Variants in RUNX1 observed in about 807,000 individuals in gnomAD.
RUNX1 encodes runt-related transcription factor 1.
Under a neutral mutation model 42.8 loss-of-function variants are expected in RUNX1, and 19 were observed. That is an observed-to-expected ratio of 0.44 (90% confidence interval 0.31 to 0.65). The LOEUF (loss-of-function observed/expected upper bound fraction) is 0.65. RUNX1 is among the 30% of genes least tolerant of loss of function. The pLI is 0.07. For missense variants in RUNX1, 528 were observed against 672.0 expected (o/e 0.79, Z 2.37); for synonymous variants, 271 against 289.4 (o/e 0.94, Z 0.64).
Position 34,803,542 on chromosome 21 carries a change from G to A in RUNX1, c.806-4080C>T, listed in dbSNP as rs546527107. On this transcript the variant is annotated intron_variant, in intron 7 of 8. Transcript: ENST00000675419. ...AGCCTAGGTGACAGAGCCAGACTCC[G>A]TCTCAGAAAAAAAAAAATAATAATA... 1.7e-4 allele frequency among the ~76,000 whole-genome samples: 26 copies of A among 150,378 alleles called. No individual in the cohort carries two copies. The South Asian group carries it at 4.0e-3, about 23-fold the overall frequency.
chr21:34,813,865 G>A (rs1012419249), intron 7 of RUNX1, among the ~76,000 whole-genome samples: 1 of 151,612 alleles, frequency 6.6e-6, no homozygotes, highest in African/African-American at 2.4e-5. Flanking sequence ...CTCAGAGAAA[G>A]CTGCAGTGCG....
rs202037007 is a variant in RUNX1 at position 34,799,352 on chromosome 21, G to A, written c.916C>T (p.Arg306Cys). 25 of 1,614,202 alleles carry A rather than the reference G, an allele frequency of 1.5e-5. No individual in the cohort carries two copies. Among genetic ancestry groups the A allele is most frequent in the Non-Finnish European group, 1.9e-5 (23 of 1,180,040 alleles). Residue 306 changes from arginine (R) to cysteine (C), a missense_variant, in exon 8 of 9, where the codon CGT (arginine) becomes TGT (cysteine). Physicochemically the swap from Arg to Cys is radical, Grantham distance 180 (BLOSUM62 -3). Transcript: ENST00000675419. ...GAGAGGGTTGTCATGCCGCTGGCACGTCCAGGTGAAATGGGCGTTGCTGGG... is the reference window on the plus strand; with the variant it reads ...GAGAGGGTTGTCATGCCGCTGGCACATCCAGGTGAAATGGGCGTTGCTGGG... ...VHPATPISPG[R>C]ASGMTTLSAE...
chr21:34,983,695 C>T (rs920014112), intron 2 of RUNX1, among the ~76,000 whole-genome samples: 2 of 152,124 alleles, frequency 1.3e-5, no homozygotes, highest in African/African-American at 4.8e-5. Flanking sequence ...GAGACCATTG[C>T]AATAGCTATA....
intron 5 of RUNX1, among the ~76,000 whole-genome samples, chr21:34,877,816 T>C (rs1166812390): frequency 6.6e-6 from 1 of 152,180 alleles, no homozygotes; most frequent in Non-Finnish European, 1.5e-5. Flanking sequence ...ACAATCCCCA[T>C]GGACTGGCAG....
At chr21:34,892,785 T>C in intron 3 of RUNX1, 140 bp downstream of exon 3, 1 of 623,366 alleles carries the variant, frequency 1.6e-6, no homozygotes, top group Admixed American at 3.0e-5. Flanking sequence ...TTTAAGTATA[T>C]TGGAATCAGC....
chr21:35,045,895 T>C (rs892607489), intron 2 of RUNX1, among the ~76,000 whole-genome samples: 14 of 151,994 alleles, frequency 9.2e-5, no homozygotes, highest in Non-Finnish European at 1.6e-4. Context: ...CTCGCTGAGA[T>C]TTTTACCTGT....
chr21:34,888,368 G>A (rs1214465033), intron 3 of RUNX1: 1 of 1,067,632 alleles, frequency 9.4e-7, no homozygotes, highest in Non-Finnish European at 1.1e-6. Flanking sequence ...GCAACTTCAC[G>A]GCTCGCCTCG....
intron 2 of RUNX1, among the ~76,000 whole-genome samples, chr21:34,954,871 T>C (rs773801370): frequency 5.9e-5 from 9 of 152,150 alleles, no homozygotes. Context: ...AACATGGGAA[T>C]ATTTGTGATG....
intron 4 of RUNX1, 125 bp from the exon 5 acceptor site, chr21:34,880,838 GAATA>G: frequency 1.1e-6 from 1 of 950,108 alleles, no homozygotes; most frequent in East Asian, 2.6e-5. Flanking sequence ...GGTTGCAGAG[GAATA>G]GCAATGATAA....
intron 7 of RUNX1, among the ~76,000 whole-genome samples, chr21:34,818,381 G>A (rs1278828195): frequency 6.6e-6 from 1 of 152,212 alleles, no homozygotes; most frequent in Non-Finnish European, 1.5e-5. Context: ...AAGGGAGGAG[G>A]GAGAAGGAGA....
chr21:34,847,010 G>A (rs1171330113), intron 6 of RUNX1, among the ~76,000 whole-genome samples: 1 of 152,136 alleles, frequency 6.6e-6, no homozygotes, highest in Non-Finnish European at 1.5e-5. Context: ...AGAAATCTCA[G>A]GCGAGCAGCA....
intron 8 of RUNX1, among the ~76,000 whole-genome samples, chr21:34,797,375 T>G (rs1209728874): frequency 3.3e-5 from 5 of 152,228 alleles, no homozygotes; most frequent in Admixed American, 6.5e-5. Context: ...TGTTACTCAT[T>G]CCTTTTATTT....
At chr21:34,962,392 G>C (rs946326316) in intron 2 of RUNX1, among the ~76,000 whole-genome samples, 4 of 152,156 alleles carry the variant, frequency 2.6e-5, no homozygotes, top group African/African-American at 9.7e-5. Context: ...TTGACCAAAA[G>C]AAAGTTTCTT....
intron 7 of RUNX1, among the ~76,000 whole-genome samples, chr21:34,803,560 T>A (rs114960759): frequency 0.025 from 3,743 of 149,042 alleles, 124 homozygotes; most frequent in African/African-American, 0.081. Flanking sequence ...AAAAAAAAAA[T>A]AATAATAAAT....
intron 2 of RUNX1, among the ~76,000 whole-genome samples, chr21:34,945,319 T>C (rs1362292195): frequency 6.6e-6 from 1 of 152,254 alleles, no homozygotes; most frequent in Non-Finnish European, 1.5e-5. Context: ...GGTCCATTTC[T>C]CTGTGCTTAC....
chr21:35,043,046 C>T lies in RUNX1; in HGVS notation c.58+5796G>A, dbSNP rs375365336. 1.5e-4 allele frequency among the ~76,000 whole-genome samples: 23 copies of T among 152,138 alleles called. No homozygotes were observed. The East Asian group carries it at 2.5e-3, about 17-fold the overall frequency. On this transcript the variant is annotated intron_variant, in intron 2 of 8. Coordinates refer to ENST00000675419, the MANE Select transcript of RUNX1 (RefSeq NM_001754.5). ...TCTCCCCAACAAAGAGTGAAGCCTGCGCAAGTGAGAGCAGTGTGTCTGAGC... is the reference window on the plus strand; with the variant it reads ...TCTCCCCAACAAAGAGTGAAGCCTGTGCAAGTGAGAGCAGTGTGTCTGAGC...
intron 2 of RUNX1, among the ~76,000 whole-genome samples, chr21:34,909,989 C>T (rs1441239490): frequency 6.6e-6 from 1 of 152,196 alleles, no homozygotes; most frequent in African/African-American, 2.4e-5. Flanking sequence ...CTGGGCTGCC[C>T]CCAGTGTTTT....
intron 2 of RUNX1, among the ~76,000 whole-genome samples, chr21:34,911,797 G>A (rs545692871): frequency 2.6e-5 from 4 of 152,200 alleles, no homozygotes; most frequent in South Asian, 2.1e-4. Flanking sequence ...TCTCACAGAC[G>A]CGCCAAGCTT....
At chr21:34,808,026 T>A (rs144491579) in intron 7 of RUNX1, among the ~76,000 whole-genome samples, 1 of 152,228 alleles carries the variant, frequency 6.6e-6, no homozygotes, top group East Asian at 1.9e-4. Context: ...CACCTATTCC[T>A]ACTACAGGTA....
Sources: allele counts gnomAD v4.1 joint callset (sites outside exome capture counted in the v4.1 genomes callset), GRCh38; gene constraint gnomAD v4.1.1; transcripts MANE v1.5; gene names NCBI Gene and HGNC (gene_info 2026-07-23, HGNC 2026-07-21).